The following PLA2G12B variants were observed in gnomAD, a reference collection of about 807,000 sequenced individuals.
The protein encoded by PLA2G12B is group XIIB secretory phospholipase A2-like protein.
In PLA2G12B, 19 loss-of-function variants were observed where a neutral mutation model predicts 22.3. That is an observed-to-expected ratio of 0.85 (90% CI 0.60 to 1.25). PLA2G12B has a LOEUF of 1.25. PLA2G12B is among the 50% of genes most tolerant of loss of function. The probability of loss-of-function intolerance (pLI) is 0.00; values close to 1 mark genes in which losing one functional copy is unlikely to be tolerated. For synonymous variants in PLA2G12B, 81 were observed against 94.9 expected (o/e 0.85, Z 0.85); for missense variants, 191 against 246.6 (o/e 0.77, Z 1.51).
intron 3 of PLA2G12B, among the ~76,000 whole-genome samples, chr10:72,936,249 A>G (rs1300083147): frequency 6.6e-6 from 1 of 152,256 alleles, no homozygotes; most frequent in African/African-American, 2.4e-5. Flanking sequence ...AGTACTCCAC[A>G]GTTTGGATAA....
chr10:72,946,045 C>T (rs912997820), intron 1 of PLA2G12B, among the ~76,000 whole-genome samples: 7 of 152,234 alleles, frequency 4.6e-5, no homozygotes, highest in Admixed American at 6.5e-5. Flanking sequence ...TTAATGTGTA[C>T]GATTCAATGG....
In PLA2G12B at chr10:72,937,145, G is replaced by C. The variant is rs965478494; in HGVS notation, c.467-1407C>G. ...AGAATGGCGTGAACCCGGAGGCAGAGCTTGCAGTGAGCCGAGATCACACCA... is the reference window on the plus strand; with the variant it reads ...AGAATGGCGTGAACCCGGAGGCAGACCTTGCAGTGAGCCGAGATCACACCA... On this transcript the variant is annotated intron_variant, in intron 3 of 3. Transcript: ENST00000373032. Among the ~76,000 whole-genome samples the C allele has an allele frequency of 3.3e-5, 5 of 151,678 alleles. 1 individual carries two copies. The highest frequency in any genetic ancestry group is 1.2e-4 in the African/African-American group (5 of 41,190).
At chr10:72,942,331 G>A (rs1330938667) in intron 2 of PLA2G12B, among the ~76,000 whole-genome samples, 2 of 152,022 alleles carry the variant, frequency 1.3e-5, no homozygotes, top group Non-Finnish European at 2.9e-5. Flanking sequence ...TCACTGGAAT[G>A]GTTCACTAAT....
chr10:72,942,592 C>T, intron 2 of PLA2G12B, 60 bp downstream of exon 2: 1 of 1,354,166 alleles, frequency 7.4e-7, no homozygotes, highest in Non-Finnish European at 1.0e-6. Flanking sequence ...TCAAGGATAA[C>T]TCTAGGATTG....
chr10:72,948,189 T>A (rs1252777907), intron 1 of PLA2G12B, among the ~76,000 whole-genome samples: 1 of 152,140 alleles, frequency 6.6e-6, no homozygotes, highest in Non-Finnish European at 1.5e-5. Flanking sequence ...GAGTGAAACA[T>A]CTTTTTAATA....
At chr10:72,936,415 A>G (rs1846280824) in intron 3 of PLA2G12B, among the ~76,000 whole-genome samples, 1 of 152,216 alleles carries the variant, frequency 6.6e-6, no homozygotes, top group Non-Finnish European at 1.5e-5. Context: ...TTAAACTTCA[A>G]GAATGGTCAG....
At chr10:72,941,475 C>G in intron 2 of PLA2G12B, 141 bp from the exon 3 acceptor site, 1 of 754,118 alleles carries the variant, frequency 1.3e-6, no homozygotes, top group Non-Finnish European at 2.1e-6. Context: ...TCAGAAACAC[C>G]AATGACTCAG....
chr10:72,935,669 T>C lies in PLA2G12B; in HGVS notation c.536A>G (p.Asn179Ser). ...VWTLGCRPFM[N>S]SQRAACICAE... Reference sequence around the variant, plus strand: ...ACAGATGCAAGCTGCCCGCTGACTATTCATAAAGGGGCGGCAGCCCAAGGT... The same window carrying C: ...ACAGATGCAAGCTGCCCGCTGACTACTCATAAAGGGGCGGCAGCCCAAGGT... The change falls in exon 4 of 4, where the codon AAT becomes AGT. Residue 179 changes from asparagine (N) to serine (S), a missense_variant. Coordinates refer to ENST00000373032, the MANE Select transcript of PLA2G12B (RefSeq NM_032562.5). 6.2e-7 allele frequency: 1 copy of C among 1,614,162 alleles called. No homozygotes were observed. The highest frequency in any genetic ancestry group is 1.1e-5 in the South Asian group (1 of 91,082).
chr10:72,954,455 A>G lies in PLA2G12B; in HGVS notation c.211+20T>C, dbSNP rs757546523. The G allele has an allele frequency of 3.1e-6, 5 of 1,614,138 alleles. No homozygotes were observed. The highest frequency in any genetic ancestry group is 1.1e-5 in the South Asian group (1 of 91,064). Reference sequence around the variant, plus strand: ...GTCCACCAGCAACAGTTTTTACAGAAAGAGAAACCGCACACTCACCATATC... The same window carrying G: ...GTCCACCAGCAACAGTTTTTACAGAGAGAGAAACCGCACACTCACCATATC... On this transcript the variant is annotated intron_variant, in intron 1 of 3. Coordinates refer to ENST00000373032, the MANE Select transcript of PLA2G12B (RefSeq NM_032562.5).
intron 1 of PLA2G12B, among the ~76,000 whole-genome samples, chr10:72,946,573 C>T (rs544111561): frequency 6.6e-6 from 1 of 152,318 alleles, no homozygotes; most frequent in South Asian, 2.1e-4. Flanking sequence ...CGTGAGGGTT[C>T]CCATTTCTCC....
rs116501605 is a variant in PLA2G12B, at chr10:72,948,519, G to A, written c.212-5779C>T. The stretch of plus-strand genomic sequence containing the variant: ...TCAAATTATTGTTTCAGTAGCTTAT[G>A]GTTGATGTTTTAAGTCTAGGCATTA... On this transcript the variant is annotated intron_variant, in intron 1 of 3. Coordinates refer to ENST00000373032, the MANE Select transcript of PLA2G12B (RefSeq NM_032562.5). Among the ~76,000 whole-genome samples, 1,126 of 152,266 alleles carry A rather than the reference G, an allele frequency of 7.4e-3. 17 individuals carry two copies. The highest frequency in any genetic ancestry group is 0.026 in the African/African-American group (1,060 of 41,554).
In PLA2G12B at chr10:72,935,561, T is replaced by C. The variant is rs1846267246; in HGVS notation, c.*56A>G. The stretch of plus-strand genomic sequence containing the variant: ...GTCACGCTGACTCGAAGACTTGACA[T>C]CTTGAAGGCTGACAGCTGTGGTGTC... On this transcript the variant is annotated 3_prime_UTR_variant, in exon 4 of 4. Transcript: ENST00000373032. The C allele has an allele frequency of 4.4e-6, 7 of 1,602,816 alleles. No homozygotes were observed. The highest frequency in any genetic ancestry group is 5.1e-6 in the Non-Finnish European group (6 of 1,173,590).
At chr10:72,936,338 G>A (rs1589535854) in intron 3 of PLA2G12B, among the ~76,000 whole-genome samples, 1 of 152,146 alleles carries the variant, frequency 6.6e-6, no homozygotes, top group East Asian at 1.9e-4. Context: ...CCCACAGAAA[G>A]GGTCTCTATC....
rs146323520 is a variant in PLA2G12B, at chr10:72,945,143, T to A, written c.212-2403A>T. 5.3e-5 allele frequency among the ~76,000 whole-genome samples: 8 copies of A among 152,286 alleles called. No homozygotes were observed. In the East Asian group the frequency reaches 1.5e-3, roughly 29 times the overall value. On this transcript the variant is annotated intron_variant, in intron 1 of 3. Coordinates refer to ENST00000373032, the MANE Select transcript of PLA2G12B (RefSeq NM_032562.5). ...GTATTTGTTGCTGTGATACATGTGG[T>A]TATAAGATTGTGGTCCAAGATGACT...
intron 1 of PLA2G12B, among the ~76,000 whole-genome samples, chr10:72,944,032 C>CTTCCTTCCTTCCCACCTTCT (rs1846403449): frequency 6.7e-6 from 1 of 150,348 alleles, no homozygotes; most frequent in Non-Finnish European, 1.5e-5. Flanking sequence ...TTCTTCCTTT[C>CTTCCTTCCTTCCCACCTTCT]TTCCTTCCTT....
At chr10:72,947,570 A>G (rs1171562075) in intron 1 of PLA2G12B, among the ~76,000 whole-genome samples, 3 of 152,210 alleles carry the variant, frequency 2.0e-5, no homozygotes, top group Non-Finnish European at 2.9e-5. Flanking sequence ...AAATTCAGAT[A>G]ACATAAAATT....
intron 1 of PLA2G12B, 96 bp from the exon 2 acceptor site, chr10:72,942,836 TCA>T: frequency 9.0e-7 from 1 of 1,110,834 alleles, no homozygotes; most frequent in Non-Finnish European, 1.3e-6. Flanking sequence ...AAAGCATATT[TCA>T]CTTTTTCTTT....
At chr10:72,950,925 CGTT>C (rs1422561955) in intron 1 of PLA2G12B, among the ~76,000 whole-genome samples, 1 of 152,176 alleles carries the variant, frequency 6.6e-6, no homozygotes, top group Non-Finnish European at 1.5e-5. Context: ...ACTCTTCAGT[CGTT>C]GTTCCCTCGA....
intron 1 of PLA2G12B, among the ~76,000 whole-genome samples, chr10:72,951,090 G>A (rs1846523580): frequency 6.6e-6 from 1 of 152,058 alleles, no homozygotes; most frequent in Non-Finnish European, 1.5e-5. Flanking sequence ...AATTTGTTTG[G>A]TACCTACCAT....
Sources: gnomAD v4.1 joint callset for allele counts (sites outside exome capture counted in the v4.1 genomes callset) on GRCh38, gnomAD v4.1.1 for gene constraint, MANE v1.5 for transcripts, NCBI Gene and HGNC (gene_info 2026-07-23, HGNC 2026-07-21) for gene names.